KIRREL3: variants seen among roughly 807,000 people sequenced by gnomAD.
The protein encoded by KIRREL3 is kin of IRRE-like protein 3.
A neutral mutation model predicts 89.7 loss-of-function variants in KIRREL3; 36 were observed. The ratio of observed to expected loss-of-function variants is 0.40; its 90% confidence interval spans 0.31 to 0.53. The LOEUF (loss-of-function observed/expected upper bound fraction) is 0.53, where lower values mean the gene tolerates loss of function less well. Among genes scored for constraint, KIRREL3 ranks in the 20% least tolerant of loss-of-function variants. KIRREL3 has a pLI of 0.49. For synonymous variants in KIRREL3, 445 were observed against 441.4 expected, an observed-to-expected ratio of 1.01 and a Z score of -0.10; for missense variants, 864 against 1,056.6, an observed-to-expected ratio of 0.82 and a Z score of 2.53.
rs917427111 is a variant in KIRREL3 at position 126,435,433 on chromosome 11, A to G, written c.1553-130T>C. ...CCCAGTCATGTCTCTGGGACCCCCC[A>G]ACAGATCCAGGCTAGCCCAGCTGAA... On this transcript the variant is annotated intron_variant, in intron 12 of 16. Coordinates refer to ENST00000525144, the MANE Select transcript of KIRREL3 (RefSeq NM_032531.4). 3.4e-6 allele frequency: 3 copies of G among 888,710 alleles called. No individual in the cohort carries two copies. In the South Asian group the frequency reaches 4.3e-5, roughly 13 times the overall value. The allele number at this position is 888,710 out of a possible 1,614,324, so 55.1% of individuals were successfully genotyped here.
At chr11:126,743,583 C>T (rs1033605764) in intron 1 of KIRREL3, among the ~76,000 whole-genome samples, 4 of 152,310 alleles carry the variant, frequency 2.6e-5, no homozygotes, top group Middle Eastern at 3.4e-3. Flanking sequence ...TCTTGTTGGA[C>T]GAATGGCAGT....
intron 1 of KIRREL3, among the ~76,000 whole-genome samples, chr11:126,947,366 C>T (rs898185670): frequency 3.9e-5 from 6 of 152,258 alleles, no homozygotes; most frequent in African/African-American, 1.2e-4. Flanking sequence ...TAACCTGATT[C>T]CAGAGAAGCA....
chr11:126,661,451 GCA>G (rs1397282556), intron 1 of KIRREL3, among the ~76,000 whole-genome samples: 2 of 152,200 alleles, frequency 1.3e-5, no homozygotes, highest in Non-Finnish European at 2.9e-5. Flanking sequence ...GAAGGAGGAG[GCA>G]CATTACTCAA....
rs1368012597 is a variant in KIRREL3 at position 126,611,155 on chromosome 11, C to T, written c.56-48243G>A. ...TCAACTGAAGTCACAAAGACCTAAT[C>T]TGGGAGGTGGGAATAGTCATAGAAA... is the stretch of plus-strand genomic sequence containing the variant. On this transcript the variant is annotated intron_variant, in intron 1 of 16. Transcript: ENST00000525144. The surrounding 1 kb of genome is among the most constrained non-coding windows in gnomAD (Gnocchi z 4.7). Among the ~76,000 whole-genome samples the T allele has an allele frequency of 6.6e-6, 1 of 152,182 alleles. No individual in the cohort carries two copies. Among genetic ancestry groups the T allele is most frequent in the East Asian group, 1.9e-4 (1 of 5,196 alleles).
chr11:126,473,985 G>A (rs1461432600), intron 4 of KIRREL3, among the ~76,000 whole-genome samples: 2 of 150,164 alleles, frequency 1.3e-5, no homozygotes, highest in East Asian at 3.9e-4. Flanking sequence ...TGTATTTTAA[G>A]TAGAGTTGGG....
At chr11:126,629,797 G>C (rs555893376) in intron 1 of KIRREL3, among the ~76,000 whole-genome samples, 1 of 152,298 alleles carries the variant, frequency 6.6e-6, no homozygotes, top group African/African-American at 2.4e-5. Context: ...GCCTGGTAAA[G>C]GTGGCTTCTC....
In KIRREL3 at chr11:126,664,453, G is replaced by A. The variant is rs1430029969; in HGVS notation, c.56-101541C>T. On this transcript the variant is annotated intron_variant, in intron 1 of 16. Coordinates refer to ENST00000525144, the MANE Select transcript of KIRREL3 (RefSeq NM_032531.4). The surrounding 1 kb of genome is among the most constrained non-coding windows in gnomAD (Gnocchi z 5.4). ...GAGAAGCACCTCCTTCCTCCCACCT[G>A]CCTACTCTAAATGAAACAGCTCTGT... 1.3e-5 allele frequency among the ~76,000 whole-genome samples: 2 copies of A among 152,106 alleles called. No homozygotes were observed. The highest frequency in any genetic ancestry group is 2.9e-5 in the Non-Finnish European group (2 of 68,038).
rs890465171 is a variant in KIRREL3, at chr11:126,918,978, CATATT to C, written c.55+81472_55+81476del. ...TGTTATAAGATATGTATTGTTACATCATATTATATTATTATTTGTATTATATATAT... is the reference window on the plus strand; with the variant it reads ...TGTTATAAGATATGTATTGTTACATCATATTATTATTTGTATTATATATAT... On this transcript the variant is annotated intron_variant, in intron 1 of 16. Transcript: ENST00000525144. The surrounding 1 kb of genome is among the most constrained non-coding windows in gnomAD (Gnocchi z 6.5). 1.4e-5 allele frequency among the ~76,000 whole-genome samples: 1 copy of C among 69,008 alleles called. No individual in the cohort carries two copies. The highest frequency in any genetic ancestry group is 4.1e-5 in the African/African-American group (1 of 24,562). The allele number at this position is 69,008 out of a possible 152,430, so 45.3% of individuals were successfully genotyped here. A position where few individuals can be genotyped will look rare whatever the true frequency, so the allele number is the denominator to read the frequency against.
intron 1 of KIRREL3, among the ~76,000 whole-genome samples, chr11:126,581,277 A>T (rs915670778): frequency 2.0e-5 from 3 of 152,116 alleles, no homozygotes; most frequent in Non-Finnish European, 4.4e-5. Flanking sequence ...ATCTCAGCTC[A>T]CTGCAACCTC....
chr11:126,858,919 G>A (rs1944622364), intron 1 of KIRREL3, among the ~76,000 whole-genome samples: 1 of 152,208 alleles, frequency 6.6e-6, no homozygotes, highest in African/African-American at 2.4e-5. Context: ...AAAGAAGCAT[G>A]GTTTAAACAA....
In KIRREL3 at chr11:126,776,701, C is replaced by G. The variant is rs187604755; in HGVS notation, c.56-213789G>C. ...CAACTGTTAAAACCTTGTGGTAATC[C>G]AAAGAGAACAGAGGGAATGCTTATG... On this transcript the variant is annotated intron_variant, in intron 1 of 16. Transcript: ENST00000525144. The surrounding 1 kb of genome is among the most constrained non-coding windows in gnomAD (Gnocchi z 4.7). Among the ~76,000 whole-genome samples the G allele has an allele frequency of 4.7e-4, 72 of 152,220 alleles. No homozygotes were observed. Among genetic ancestry groups the G allele is most frequent in the African/African-American group, 1.6e-3 (66 of 41,528 alleles).
chr11:126,760,387 A>G (rs1360848748), intron 1 of KIRREL3, among the ~76,000 whole-genome samples: 1 of 152,222 alleles, frequency 6.6e-6, no homozygotes, highest in African/African-American at 2.4e-5. Flanking sequence ...TCACTTCAGA[A>G]TGTTTCACCT....
chr11:126,437,583 CAT>C (rs141587670), intron 11 of KIRREL3, among the ~76,000 whole-genome samples: 39,745 of 152,032 alleles, frequency 0.26, 5,600 homozygotes, highest in Admixed American at 0.34. Flanking sequence ...CATATGTGCA[CAT>C]GTCACAACAT....
At chr11:126,849,445 A>G (rs1364939254) in intron 1 of KIRREL3, among the ~76,000 whole-genome samples, 1 of 152,112 alleles carries the variant, frequency 6.6e-6, no homozygotes, top group Non-Finnish European at 1.5e-5. Context: ...ACTTTACTCT[A>G]TGGACTTGCC....
intron 2 of KIRREL3, among the ~76,000 whole-genome samples, chr11:126,532,182 G>A (rs918111585): frequency 1.4e-4 from 22 of 152,052 alleles, no homozygotes; most frequent in African/African-American, 5.1e-4. Flanking sequence ...AGAAATGCAG[G>A]GACTTGCACA....
intron 1 of KIRREL3, among the ~76,000 whole-genome samples, chr11:126,672,474 G>GA (rs774204632): frequency 3.2e-4 from 48 of 152,260 alleles, no homozygotes; most frequent in Non-Finnish European, 5.4e-4. Flanking sequence ...AAGCCAGTCT[G>GA]AAAAAACATA....
In KIRREL3 at chr11:126,705,442, C is replaced by T. The variant is rs918691436; in HGVS notation, c.56-142530G>A. 6.6e-6 allele frequency among the ~76,000 whole-genome samples: 1 copy of T among 152,140 alleles called. No homozygotes were observed. Among genetic ancestry groups the T allele is most frequent in the African/African-American group, 2.4e-5 (1 of 41,426 alleles). On this transcript the variant is annotated intron_variant, in intron 1 of 16. Transcript: ENST00000525144. This position sits in a 1 kb window ranked among gnomAD's most constrained non-coding sequence, Gnocchi z 4.3. ...GTCTGAGACCTCTCCTTCCCTCTCT[C>T]TTGCACCTTCTCTCCCCATGTGATG...
chr11:126,745,758 T>C (rs1949128669), intron 1 of KIRREL3, among the ~76,000 whole-genome samples: 1 of 152,242 alleles, frequency 6.6e-6, no homozygotes, highest in South Asian at 2.1e-4. Flanking sequence ...GATCATTCAT[T>C]GCTTGAAATG....
intron 1 of KIRREL3, among the ~76,000 whole-genome samples, chr11:126,923,707 G>T (rs889990488): frequency 2.0e-5 from 3 of 152,056 alleles, no homozygotes; most frequent in Non-Finnish European, 4.4e-5. Flanking sequence ...GCCTCCCAAA[G>T]TGCTAGGATT....
Sources: allele counts gnomAD v4.1 joint callset (sites outside exome capture counted in the v4.1 genomes callset), GRCh38; gene constraint gnomAD v4.1.1; non-coding constraint Gnocchi (gnomAD v3.1); transcripts MANE v1.5; gene names NCBI Gene and HGNC (gene_info 2026-07-23, HGNC 2026-07-21).